BRAP: variants seen among roughly 807,000 people sequenced by gnomAD.
The protein encoded by BRAP is BRCA1-associated protein.
Under a neutral mutation model 73.4 loss-of-function variants are expected in BRAP, and 42 were observed. The observed-to-expected ratio is 0.57, with a 90% CI of 0.45 to 0.74. BRAP has a LOEUF of 0.74. BRAP is among the 30% of genes least tolerant of loss of function. The pLI is 0.00. For missense variants in BRAP, 593 were observed against 751.4 expected (o/e 0.79, Z 2.46); for synonymous variants, 255 against 267.4 (o/e 0.95, Z 0.45).
intron 4 of BRAP, 160 bp from the exon 5 acceptor site, chr12:111,672,934 G>A (rs1461307378): frequency 1.7e-6 from 1 of 588,730 alleles, no homozygotes; most frequent in East Asian, 2.8e-5. Context: ...GAAGCTGATT[G>A]GTAGGCTAAT....
At chr12:111,681,598 A>T (rs776039749) in intron 3 of BRAP, 39 bp downstream of exon 3, 3 of 1,530,154 alleles carry the variant, frequency 2.0e-6, no homozygotes, top group Non-Finnish European at 2.7e-6. Context: ...AAAAAAAAAA[A>T]AAAATTGACT....
intron 4 of BRAP, among the ~76,000 whole-genome samples, chr12:111,675,319 G>A (rs539834865): frequency 6.6e-6 from 1 of 151,766 alleles, no homozygotes; most frequent in South Asian, 2.1e-4. Flanking sequence ...TTGTCATGGT[G>A]GCCTACACTA....
At chr12:111,650,468 G>A (rs1886275316) in intron 10 of BRAP, among the ~76,000 whole-genome samples, 1 of 152,182 alleles carries the variant, frequency 6.6e-6, no homozygotes, top group Non-Finnish European at 1.5e-5. Flanking sequence ...GTTTCATCAT[G>A]TTGGCCAGGC....
At chr12:111,671,076 G>T (rs1887151821) in intron 5 of BRAP, among the ~76,000 whole-genome samples, 1 of 151,624 alleles carries the variant, frequency 6.6e-6, no homozygotes, top group Non-Finnish European at 1.5e-5. Flanking sequence ...CTCCAGCCTG[G>T]GTGACAGAGT....
At chr12:111,662,954 A>AAAAAAAC (rs1886809135) in intron 6 of BRAP, among the ~76,000 whole-genome samples, 1 of 151,314 alleles carries the variant, frequency 6.6e-6, no homozygotes, top group East Asian at 1.9e-4. Context: ...CTAAAAAAAA[A>AAAAAAAC]AAAAAACAAA....
chr12:111,650,258 C>T (rs1049503294), intron 10 of BRAP, among the ~76,000 whole-genome samples: 14 of 151,862 alleles, frequency 9.2e-5, no homozygotes, highest in South Asian at 4.2e-4. Context: ...TTAAAAATGC[C>T]GGGAAATCTT....
chr12:111,654,401 T>C (rs974618718), intron 10 of BRAP, among the ~76,000 whole-genome samples: 1 of 152,006 alleles, frequency 6.6e-6, no homozygotes, highest in Non-Finnish European at 1.5e-5. Context: ...CTGCAACCTC[T>C]GCCTCCTGGG....
At chr12:111,670,382 C>T (rs1887121201) in intron 5 of BRAP, 1 of 371,482 alleles carries the variant, frequency 2.7e-6, no homozygotes, top group South Asian at 2.5e-5. Context: ...TTTTCCCCCG[C>T]CACCCACTTA....
At position 111,669,930 on chromosome 12, in the gene BRAP, GCTTT is replaced by G. The variant is rs1393712411; in HGVS notation, c.747+2727_747+2730del. On this transcript the variant is annotated intron_variant, in intron 5 of 11. Transcript: ENST00000419234. ...AGCTTCTGGTTATCAAAAAACCCAT[GCTTT>G]CTTTTATTGAAGGAGTTTGGTCCAG... The G allele has an allele frequency of 9.6e-6, 6 of 624,894 alleles. No individual in the cohort carries two copies. In the African/African-American group the frequency reaches 1.1e-4, roughly 12 times the overall value. The allele number at this position is 624,894 out of a possible 1,614,324, so 38.7% of individuals were successfully genotyped here.
chr12:111,644,923 AT>A (rs1451220877), intron 11 of BRAP, among the ~76,000 whole-genome samples: 4 of 151,034 alleles, frequency 2.6e-5, no homozygotes, highest in Non-Finnish European at 5.9e-5. Context: ...TGCCTGGCTA[AT>A]TTTTGTATTT....
intron 5 of BRAP, among the ~76,000 whole-genome samples, chr12:111,667,577 G>C (rs976283452): frequency 6.6e-6 from 1 of 151,396 alleles, no homozygotes; most frequent in Non-Finnish European, 1.5e-5. Context: ...GTGGGTGCCT[G>C]TAATCCCAGT....
chr12:111,670,634 G>A (rs918189135), intron 5 of BRAP, among the ~76,000 whole-genome samples: 4 of 152,142 alleles, frequency 2.6e-5, no homozygotes, highest in African/African-American at 9.7e-5. Context: ...GAGACTACAG[G>A]CATCTGCCAC....
intron 6 of BRAP, among the ~76,000 whole-genome samples, chr12:111,661,701 T>TAAAA (rs919397662): frequency 7.0e-6 from 1 of 143,684 alleles, no homozygotes; most frequent in Non-Finnish European, 1.5e-5. Flanking sequence ...AAATCTGTAG[T>TAAAA]AAAAAAAAAA....
At chr12:111,670,188 G>T in intron 5 of BRAP, 1 of 612,408 alleles carries the variant, frequency 1.6e-6, no homozygotes, top group Non-Finnish European at 3.2e-6. Flanking sequence ...ATCACTGTAG[G>T]CTTTGTTGGG....
chr12:111,681,970 TTTGTAGAATAGCTGA>T, intron 2 of BRAP, 135 bp from the exon 3 acceptor site: 1 of 827,922 alleles, frequency 1.2e-6, no homozygotes, highest in Non-Finnish European at 1.8e-6. Flanking sequence ...ACAGCTATTA[TTTGTAGAATAGCTGA>T]GTTTATGAGG....
chr12:111,646,629 C>T (rs909382597), intron 11 of BRAP, among the ~76,000 whole-genome samples: 3 of 151,876 alleles, frequency 2.0e-5, no homozygotes, highest in Admixed American at 6.6e-5. Context: ...AAAAATTAGC[C>T]GGGTGTGGTA....
At chr12:111,664,065 C>T (rs559539687) in intron 6 of BRAP, among the ~76,000 whole-genome samples, 2 of 152,290 alleles carry the variant, frequency 1.3e-5, no homozygotes, top group East Asian at 1.9e-4. Flanking sequence ...GTGGCTCATG[C>T]CTACAATCCC....
At chr12:111,671,685 T>C (rs374405660) in intron 5 of BRAP, among the ~76,000 whole-genome samples, 31 of 143,436 alleles carry the variant, frequency 2.2e-4, no homozygotes, top group African/African-American at 8.6e-4. Context: ...GAGAGACTTT[T>C]TTTTTTTTTT....
At chr12:111,681,583 CAAAAAA>C (rs368877992) in intron 3 of BRAP, 48 bp downstream of exon 3, 126 of 1,119,884 alleles carry the variant, frequency 1.1e-4, no homozygotes, top group South Asian at 5.8e-4. Context: ...TAAAGCAAAG[CAAAAAA>C]AAAAAAAAAA....
Sources: gnomAD v4.1 joint callset for allele counts (sites outside exome capture counted in the v4.1 genomes callset) on GRCh38, gnomAD v4.1.1 for gene constraint, MANE v1.5 for transcripts, NCBI Gene and HGNC (gene_info 2026-07-23, HGNC 2026-07-21) for gene names.